ARID4A: variants seen among roughly 807,000 people sequenced by gnomAD.
The protein encoded by ARID4A is AT-rich interaction domain 4A, also known as AT-rich interactive domain-containing protein 4A.
A neutral mutation model predicts 148.6 loss-of-function variants in ARID4A; 39 were observed. The observed-to-expected ratio is 0.26, with a 90% CI of 0.20 to 0.34. The LOEUF is 0.34. Among genes scored for constraint, ARID4A ranks in the 10% least tolerant of loss-of-function variants. The pLI, the probability that ARID4A is intolerant of heterozygous loss-of-function variation, is 1.00. For synonymous variants in ARID4A, 475 were observed against 481.2 expected, an observed-to-expected ratio of 0.99 and a Z score of 0.17; for missense variants, 1,265 against 1,449.1, an observed-to-expected ratio of 0.87 and a Z score of 2.06.
At chr14:58,355,882 T>C (rs1566715929) in intron 17 of ARID4A, among the ~76,000 whole-genome samples, 1 of 152,224 alleles carries the variant, frequency 6.6e-6, no homozygotes, top group Non-Finnish European at 1.5e-5. Context: ...TTTAATGTTT[T>C]ACTTTATGAC....
chr14:58,298,843 G>A (rs2030798511), intron 1 of ARID4A, 143 bp downstream of exon 1: 1 of 152,292 alleles, frequency 6.6e-6, no homozygotes, highest in African/African-American at 2.4e-5. Flanking sequence ...CGAGCGCAAG[G>A]GAAGGGGCCA....
intron 9 of ARID4A, among the ~76,000 whole-genome samples, chr14:58,329,318 T>C (rs905502144): frequency 6.6e-6 from 1 of 152,240 alleles, no homozygotes; most frequent in African/African-American, 2.4e-5. Context: ...AGGCTCTCAA[T>C]GTACTTTGAG....
rs766182456 is a variant in ARID4A at position 58,351,151 on chromosome 14, GATA to G, written c.1486_1488del (p.Asn496del). 735 of 1,607,994 alleles carry G rather than the reference GATA, an allele frequency of 4.6e-4. 1 individual carries two copies. Among genetic ancestry groups the G allele is most frequent in the Non-Finnish European group, 5.7e-4 (666 of 1,178,534 alleles). On this transcript the variant is annotated inframe_deletion, in exon 16 of 24. Coordinates refer to ENST00000355431, the MANE Select transcript of ARID4A (RefSeq NM_002892.4). ...AGAGAAAACAGAAGACAAATTAAAA[GATA>G]ATGATACAGAAAATAAGGATGTAGA...
intron 11 of ARID4A, 107 bp downstream of exon 11, chr14:58,330,276 G>T: frequency 2.8e-6 from 4 of 1,452,924 alleles, no homozygotes; most frequent in Non-Finnish European, 3.7e-6. Context: ...ATTTGTTTCT[G>T]TCCGTTTCTA....
intron 20 of ARID4A, 53 bp downstream of exon 20, chr14:58,365,353 CTG>C (rs2035310903): frequency 6.5e-7 from 1 of 1,534,020 alleles, no homozygotes; most frequent in Admixed American, 2.1e-5. Context: ...AAAATCAAAA[CTG>C]TTGAGTTTCA....
chr14:58,304,979 A>G lies in ARID4A; in HGVS notation c.153A>G (p.Val51=), dbSNP rs143731263. 123 of 1,607,840 alleles carry G rather than the reference A, an allele frequency of 7.7e-5. No homozygotes were observed. Among genetic ancestry groups the G allele is most frequent in the Non-Finnish European group, 9.6e-5 (113 of 1,177,946 alleles). The change falls in exon 4 of 24, where the codon GTA becomes GTG. Residue 51 remains valine, a synonymous_variant. Coordinates refer to ENST00000355431, the MANE Select transcript of ARID4A (RefSeq NM_002892.4). ...AACAGGATAATACCACACAATTGGT[A>G]CAAGATGACCAAGTAAAGGGTCCTT... ...LLKQDNTTQL[V]QDDQVKGPLR...
chr14:58,317,377 T>C (rs955047536), intron 5 of ARID4A, among the ~76,000 whole-genome samples: 5 of 147,382 alleles, frequency 3.4e-5, no homozygotes, highest in African/African-American at 5.0e-5. Flanking sequence ...CTCCGCCTCC[T>C]GGGTTCACGC....
At chr14:58,310,855 AAAAATATTTGC>A (rs2140145705) in intron 5 of ARID4A, among the ~76,000 whole-genome samples, 1 of 152,302 alleles carries the variant, frequency 6.6e-6, no homozygotes, top group Admixed American at 6.5e-5. Flanking sequence ...CATAATTGGA[AAAAATATTTGC>A]AAACTCTGTA....
At chr14:58,319,151 C>T (rs2032673693) in intron 7 of ARID4A, among the ~76,000 whole-genome samples, 1 of 152,206 alleles carries the variant, frequency 6.6e-6, no homozygotes, top group African/African-American at 2.4e-5. Flanking sequence ...CCTCCGCCTC[C>T]TGGGTTCAAG....
chr14:58,357,275 A>G (rs1392002319), intron 17 of ARID4A, among the ~76,000 whole-genome samples: 1 of 152,144 alleles, frequency 6.6e-6, no homozygotes, highest in African/African-American at 2.4e-5. Flanking sequence ...TATTAAATGC[A>G]TTTTTCGACA....
chr14:58,353,516 T>TCTC, intron 16 of ARID4A, 142 bp from the exon 17 acceptor site: 1 of 686,468 alleles, frequency 1.5e-6, no homozygotes, highest in South Asian at 2.1e-5. Context: ...ATCTTCTCCT[T>TCTC]CTCCTCCTTC....
chr14:58,351,242 C>T lies in ARID4A; in HGVS notation c.1574C>T (p.Pro525Leu). Residue 525 changes from proline (P) to leucine (L), a missense_variant, in exon 16 of 24, where the codon CCA (proline) becomes CTA (leucine). By Grantham distance (98) the Pro-to-Leu change is moderately conservative (BLOSUM62 -3). Coordinates refer to ENST00000355431, the MANE Select transcript of ARID4A (RefSeq NM_002892.4). ...CTACTACTGGGGAGAAAAAATACAC[C>T]AAAGCAAAAAGAGAAGAAAATTAAA... is the stretch of plus-strand genomic sequence containing the variant. ...NELLLGRKNT[P>L]KQKEKKIKKQ... The T allele has an allele frequency of 1.2e-6, 2 of 1,611,482 alleles. No individual in the cohort carries two copies. Among genetic ancestry groups the T allele is most frequent in the Non-Finnish European group, 1.7e-6 (2 of 1,179,386 alleles).
Position 58,345,645 on chromosome 14 carries a change from AT to A in ARID4A, c.980-763del, listed in dbSNP as rs764486985. ...TCAGATTACTGCTAACAGTCTTAAC[AT>A]TTGTGTCAAAGTAGTGAAAGTGGAA... On this transcript the variant is annotated intron_variant, in intron 12 of 23. Coordinates refer to ENST00000355431, the MANE Select transcript of ARID4A (RefSeq NM_002892.4). 2.7e-5 allele frequency among the ~76,000 whole-genome samples: 4 copies of A among 147,642 alleles called. 1 individual carries two copies.
chr14:58,317,624 C>CTTTTTTTTTTTTTTT (rs71107933), intron 5 of ARID4A, among the ~76,000 whole-genome samples: 92 of 69,858 alleles, frequency 1.3e-3, no homozygotes, highest in Non-Finnish European at 1.6e-3. Context: ...TTATATTTGT[C>CTTTTTTTTTTTTTTT]TTTTTTTTTT....
intron 7 of ARID4A, among the ~76,000 whole-genome samples, chr14:58,322,778 A>G (rs1175607822): frequency 1.3e-5 from 2 of 151,826 alleles, no homozygotes; most frequent in African/African-American, 2.4e-5. Flanking sequence ...CCTGGCCAAC[A>G]TGGTGAAAAC....
chr14:58,318,846 T>C, intron 7 of ARID4A, 41 bp downstream of exon 7: 1 of 1,504,722 alleles, frequency 6.6e-7, no homozygotes. Context: ...ATTACAATTA[T>C]TATAACCTTA....
chr14:58,344,314 T>C (rs117232982), intron 11 of ARID4A, among the ~76,000 whole-genome samples: 2,799 of 152,212 alleles, frequency 0.018, 48 homozygotes, highest in Middle Eastern at 0.027. Context: ...TATGATATAA[T>C]GAACATGTGT....
At chr14:58,302,774 T>C (rs1052196489) in intron 3 of ARID4A, among the ~76,000 whole-genome samples, 6 of 151,900 alleles carry the variant, frequency 3.9e-5, no homozygotes, top group Admixed American at 3.9e-4. Flanking sequence ...GGCAACATAG[T>C]GAGATCTTGT....
intron 5 of ARID4A, among the ~76,000 whole-genome samples, chr14:58,309,157 C>T (rs781407513): frequency 1.3e-5 from 2 of 152,040 alleles, no homozygotes; most frequent in Non-Finnish European, 2.9e-5. Flanking sequence ...GCTCTGTTGC[C>T]CAGGCTTTTG....
Sources: gnomAD v4.1 joint callset for allele counts (sites outside exome capture counted in the v4.1 genomes callset) on GRCh38, gnomAD v4.1.1 for gene constraint, MANE v1.5 for transcripts, NCBI Gene and HGNC (gene_info 2026-07-23, HGNC 2026-07-21) for gene names.